Variants in KLF7 observed in about 807,000 individuals in gnomAD.
KLF7 encodes the protein KLF transcription factor 7.
KLF7 carries 2 observed loss-of-function variants against 27.3 expected under a neutral mutation model. The ratio of observed to expected loss-of-function variants is 0.07; its 90% CI spans 0.03 to 0.23. The LOEUF is 0.23. KLF7 is among the 10% of genes least tolerant of loss of function. The pLI is 1.00. For synonymous variants in KLF7, 165 were observed against 162.4 expected (o/e 1.02, Z -0.12); for missense variants, 221 against 394.1 (o/e 0.56, Z 3.72).
chr2:207,154,422 G>T (rs2078326460), intron 1 of KLF7, among the ~76,000 whole-genome samples: 1 of 152,204 alleles, frequency 6.6e-6, no homozygotes, highest in Non-Finnish European at 1.5e-5. Context: ...TTCCAAGGAT[G>T]TCAAACTAGG....
rs763961356 is a variant in KLF7, at chr2:207,124,015, C to T, written c.492G>A (p.Leu164=). ...TLSAVDGTVT[L]KLVAKKAALS... ...GAGCAGCCTTCTTGGCCACCAGTTTCAACGTCACCGTGCCATCCACGGCAG... is the reference window on the plus strand; with the variant it reads ...GAGCAGCCTTCTTGGCCACCAGTTTTAACGTCACCGTGCCATCCACGGCAG... Residue 164 remains leucine (L), a synonymous_variant, in exon 2 of 4, where the codon TTG becomes TTA. Transcript: ENST00000309446. 4 of 1,614,176 alleles carry T rather than the reference C, an allele frequency of 2.5e-6. No individual in the cohort carries two copies. The highest frequency in any genetic ancestry group is 1.7e-5 in the Admixed American group (1 of 60,026).
intron 2 of KLF7, chr2:207,121,826 G>A (rs2077348472): frequency 6.6e-6 from 1 of 152,274 alleles, no homozygotes; most frequent in East Asian, 1.9e-4. Context: ...GGAAAGAGGG[G>A]ATAAGAAAGA....
At position 207,080,449 on chromosome 2, in the gene KLF7, A is replaced by G. The variant is rs555930403; in HGVS notation, c.*764T>C. 7.6e-5 allele frequency: 13 copies of G among 172,160 alleles called. No individual in the cohort carries two copies. The highest frequency in any genetic ancestry group is 2.6e-4 in the African/African-American group (11 of 42,490). The allele number at this position is 172,160 out of a possible 1,614,324, so 10.7% of individuals were successfully genotyped here. On this transcript the variant is annotated 3_prime_UTR_variant, in exon 4 of 4. Coordinates refer to ENST00000309446, the MANE Select transcript of KLF7 (RefSeq NM_003709.4). ...CTAGTGCATATGGTGTGCAAAAGTC[A>G]AAACGTAAGAAAAGAAAACTCCTCC...
rs759966136 is a variant in KLF7, at chr2:207,111,325, T to C, written c.733+12449A>G. ...AAAGTTCAGGGAAGGCCCATCTGTG[T>C]GGAATGCTCTCCCAGTGCGCACAGG... On this transcript the variant is annotated intron_variant, in intron 2 of 3. Transcript: ENST00000309446. Among the ~76,000 whole-genome samples the C allele has an allele frequency of 4.5e-4, 68 of 152,286 alleles. 1 individual carries two copies. The highest frequency in any genetic ancestry group is 5.9e-4 in the Admixed American group (9 of 15,302).
chr2:207,166,982 C>G (rs1047047914), upstream of KLF7: 18 of 800,798 alleles, frequency 2.2e-5, no homozygotes, highest in Middle Eastern at 4.8e-4. Flanking sequence ...CTTCTGACCC[C>G]GAGCGAGAGA....
chr2:207,106,114 T>C (rs930114821), intron 2 of KLF7, among the ~76,000 whole-genome samples: 2 of 152,350 alleles, frequency 1.3e-5, no homozygotes, highest in Middle Eastern at 3.4e-3. Flanking sequence ...TATAAAATTA[T>C]ATATGTGGCT....
At chr2:207,081,555 A>C (rs1249886497) in intron 3 of KLF7, among the ~76,000 whole-genome samples, 1 of 152,230 alleles carries the variant, frequency 6.6e-6, no homozygotes, top group Non-Finnish European at 1.5e-5. Context: ...TGTGAGGATT[A>C]AATGAGATGA....
chr2:207,113,600 T>TGGGGG (rs1165302237), intron 2 of KLF7, among the ~76,000 whole-genome samples: 2 of 2,448 alleles, frequency 8.2e-4, no homozygotes, highest in Admixed American at 0.013. Flanking sequence ...CAAAGTGGAA[T>TGGGGG]GGGGGGTGGG....
At chr2:207,106,175 T>G (rs1211273792) in intron 2 of KLF7, among the ~76,000 whole-genome samples, 1 of 152,208 alleles carries the variant, frequency 6.6e-6, no homozygotes, top group Non-Finnish European at 1.5e-5. Context: ...GTTCAAGAAT[T>G]TGTACTTTAA....
intron 2 of KLF7, among the ~76,000 whole-genome samples, chr2:207,101,829 T>C (rs911595378): frequency 3.3e-5 from 5 of 152,156 alleles, no homozygotes; most frequent in South Asian, 2.1e-4. Flanking sequence ...GACTATCATA[T>C]TGTTTGAGTA....
chr2:207,151,096 A>G lies in KLF7; in HGVS notation c.102+14371T>C, dbSNP rs190639366. On this transcript the variant is annotated intron_variant, in intron 1 of 3. Transcript: ENST00000309446. Reference sequence around the variant, plus strand: ...CAAGCCTTAGAGAGGCGTTAAAGACATGGCACCTCAAAGCTGACTGTCTCC... The same window carrying G: ...CAAGCCTTAGAGAGGCGTTAAAGACGTGGCACCTCAAAGCTGACTGTCTCC... Among the ~76,000 whole-genome samples, 7 of 151,820 alleles carry G rather than the reference A, an allele frequency of 4.6e-5. No homozygotes were observed. The East Asian group carries it at 9.7e-4, about 21-fold the overall frequency.
chr2:207,138,172 T>C (rs766877144), intron 1 of KLF7, among the ~76,000 whole-genome samples: 11 of 152,168 alleles, frequency 7.2e-5, no homozygotes, highest in Non-Finnish European at 1.6e-4. Flanking sequence ...CCAATTTCCA[T>C]ATAGTTTCAA....
chr2:207,118,735 G>A (rs979864001), intron 2 of KLF7, among the ~76,000 whole-genome samples: 1 of 152,172 alleles, frequency 6.6e-6, no homozygotes, highest in Admixed American at 6.5e-5. Flanking sequence ...GTTAATATTT[G>A]TAAAACATTT....
rs1455306624 is a variant in KLF7 at position 207,078,195 on chromosome 2, C to G, written c.*3018G>C. 1.3e-5 allele frequency: 2 copies of G among 152,208 alleles called. No homozygotes were observed. Among genetic ancestry groups the G allele is most frequent in the African/African-American group, 4.8e-5 (2 of 41,440 alleles). The allele number at this position is 152,208 out of a possible 1,614,324, so 9.4% of individuals were successfully genotyped here. On this transcript the variant is annotated 3_prime_UTR_variant, in exon 4 of 4. Transcript: ENST00000309446. ...CGGCTAAAGAAGAACAGTTTCAAAGCCATCCACTTAGCACCCACCAAATTC... is the reference window on the plus strand; with the variant it reads ...CGGCTAAAGAAGAACAGTTTCAAAGGCATCCACTTAGCACCCACCAAATTC...
rs149927720 is a variant in KLF7 at position 207,151,309 on chromosome 2, G to A, written c.102+14158C>T. ...GAATATGTTTAAAATATTGCAAGGA[G>A]GCTCACAATTCTTGAGGGTCCAATA... On this transcript the variant is annotated intron_variant, in intron 1 of 3. Transcript: ENST00000309446. 4.4e-4 allele frequency among the ~76,000 whole-genome samples: 67 copies of A among 152,208 alleles called. 1 individual carries two copies. In the East Asian group the frequency reaches 0.012, roughly 28 times the overall value.
chr2:207,148,425 C>T (rs1412583397), intron 1 of KLF7, among the ~76,000 whole-genome samples: 2 of 152,024 alleles, frequency 1.3e-5, no homozygotes, highest in African/African-American at 2.4e-5. Flanking sequence ...AGCCACCATG[C>T]GGTACTGCTT....
At chr2:207,084,937 T>C (rs994402220) in intron 3 of KLF7, among the ~76,000 whole-genome samples, 3 of 150,762 alleles carry the variant, frequency 2.0e-5, no homozygotes, top group Non-Finnish European at 4.4e-5. Context: ...CTGAGGTGGG[T>C]GGATCACTTG....
At chr2:207,099,067 T>G (rs2076696880) in intron 2 of KLF7, among the ~76,000 whole-genome samples, 1 of 152,136 alleles carries the variant, frequency 6.6e-6, no homozygotes, top group Non-Finnish European at 1.5e-5. Flanking sequence ...GTATACCCTG[T>G]AGAAGTAAAC....
chr2:207,146,937 T>C (rs1244171287), intron 1 of KLF7, among the ~76,000 whole-genome samples: 1 of 152,094 alleles, frequency 6.6e-6, no homozygotes, highest in Non-Finnish European at 1.5e-5. Flanking sequence ...ACATATACTT[T>C]CCCATGGTAT....
Sources: gnomAD v4.1 joint callset for allele counts (sites outside exome capture counted in the v4.1 genomes callset) on GRCh38, gnomAD v4.1.1 for gene constraint, MANE v1.5 for transcripts, NCBI Gene and HGNC (gene_info 2026-07-23, HGNC 2026-07-21) for gene names.